Variants in GALNT17 observed in about 807,000 individuals in gnomAD.
The protein encoded by GALNT17 is polypeptide N-acetylgalactosaminyltransferase 17, also known as UDP-GalNAc:polypeptide N-acetylgalactosaminyltransferase-like 3.
In GALNT17, 29 loss-of-function variants were observed where a neutral mutation model predicts 63.7. The ratio of observed to expected loss-of-function variants is 0.46; its 90% confidence interval spans 0.34 to 0.62. The LOEUF (loss-of-function observed/expected upper bound fraction) is 0.62, where lower values mean the gene tolerates loss of function less well. Ranked by LOEUF, GALNT17 falls within the 20% of genes least tolerant of loss-of-function variation. GALNT17 has a pLI of 0.01. For synonymous variants in GALNT17, 305 were observed against 318.3 expected (o/e 0.96, Z 0.45); for missense variants, 603 against 799.6 (o/e 0.75, Z 2.97).
chr7:71,258,397 A>G (rs1038686054), intron 1 of GALNT17, among the ~76,000 whole-genome samples: 2 of 152,224 alleles, frequency 1.3e-5, no homozygotes, highest in Non-Finnish European at 2.9e-5. Flanking sequence ...GCTCAGCTCA[A>G]GTGCAGTTTC....
rs182893608 is a variant in GALNT17, at chr7:71,198,784, A to G, written c.238+65744A>G. Among the ~76,000 whole-genome samples, 1,136 of 152,322 alleles carry G rather than the reference A, an allele frequency of 7.5e-3. 7 individuals carry two copies. Among genetic ancestry groups the G allele is most frequent in the Middle Eastern group, 0.061 (18 of 294 alleles). ...AAGGTCTCTATGTTTTCTTATAAAG[A>G]GACTGTATTTTGCTCCTCTCTCTCC... On this transcript the variant is annotated intron_variant, in intron 1 of 10. Transcript: ENST00000333538.
At chr7:71,378,934 C>G (rs1792793718) in intron 2 of GALNT17, among the ~76,000 whole-genome samples, 1 of 152,128 alleles carries the variant, frequency 6.6e-6, no homozygotes. Flanking sequence ...CCCTGGAGGT[C>G]AAGGCTGCAG....
At chr7:71,472,080 C>A (rs775053502) in intron 5 of GALNT17, among the ~76,000 whole-genome samples, 1 of 152,134 alleles carries the variant, frequency 6.6e-6, no homozygotes, top group Non-Finnish European at 1.5e-5. Context: ...GCAGATTCAG[C>A]ATCTGGCAAG....
intron 1 of GALNT17, among the ~76,000 whole-genome samples, chr7:71,287,538 T>C (rs375099837): frequency 2.0e-5 from 3 of 152,182 alleles, no homozygotes; most frequent in East Asian, 3.8e-4. Context: ...CATTTATAGT[T>C]AACCCTTTAA....
chr7:71,499,123 A>T (rs1054924799), intron 5 of GALNT17, among the ~76,000 whole-genome samples: 1 of 151,964 alleles, frequency 6.6e-6, no homozygotes, highest in South Asian at 2.1e-4. Flanking sequence ...TTAAATCTCC[A>T]TACCTCATGT....
chr7:71,338,603 G>T (rs973417274), intron 2 of GALNT17, among the ~76,000 whole-genome samples: 43 of 152,226 alleles, frequency 2.8e-4, no homozygotes, highest in African/African-American at 1.0e-3. Flanking sequence ...CTTATTTTCT[G>T]CTTGTAAAAT....
At chr7:71,192,629 C>T (rs1311026309) in intron 1 of GALNT17, among the ~76,000 whole-genome samples, 2 of 152,172 alleles carry the variant, frequency 1.3e-5, no homozygotes, top group Non-Finnish European at 2.9e-5. Context: ...CTCCTGACCT[C>T]ATGTGAGCCA....
At chr7:71,431,956 C>T (rs2116489547) in intron 5 of GALNT17, among the ~76,000 whole-genome samples, 1 of 152,226 alleles carries the variant, frequency 6.6e-6, no homozygotes, top group South Asian at 2.1e-4. Flanking sequence ...AGGTGGATCA[C>T]CTGAGGTCAG....
At chr7:71,526,667 G>A (rs1311493092) in intron 5 of GALNT17, among the ~76,000 whole-genome samples, 1 of 151,434 alleles carries the variant, frequency 6.6e-6, no homozygotes, top group East Asian at 1.9e-4. Flanking sequence ...TTACAGGCAT[G>A]TGCCCCCACG....
chr7:71,213,501 T>G (rs185840317), intron 1 of GALNT17, among the ~76,000 whole-genome samples: 30 of 152,354 alleles, frequency 2.0e-4, no homozygotes, highest in African/African-American at 7.2e-4. Flanking sequence ...CGGTGTGCCT[T>G]TGACATTTTA....
chr7:71,377,312 A>G (rs1395813604), intron 2 of GALNT17, among the ~76,000 whole-genome samples: 2 of 151,766 alleles, frequency 1.3e-5, no homozygotes, highest in South Asian at 2.1e-4. Flanking sequence ...AGAAAAATAC[A>G]TATTTCCCAG....
At chr7:71,513,390 G>GTTTTTTT (rs1788395050) in intron 5 of GALNT17, among the ~76,000 whole-genome samples, 1 of 151,106 alleles carries the variant, frequency 6.6e-6, no homozygotes, top group African/African-American at 2.4e-5. Context: ...TTGTTTTTTT[G>GTTTTTTT]TTTTTTGGTT....
rs191801264 is a variant in GALNT17 at position 71,620,305 on chromosome 7, A to C, written c.1081-45106A>C. ...TATCAGGCTGATGCTGGTTTCATAG[A>C]ATGAGTTAGGGAGGAGCCCCTCTTC... On this transcript the variant is annotated intron_variant, in intron 6 of 10. Transcript: ENST00000333538. 1.2e-4 allele frequency among the ~76,000 whole-genome samples: 19 copies of C among 152,214 alleles called. 1 individual carries two copies. Among genetic ancestry groups the C allele is most frequent in the Non-Finnish European group, 7.4e-5 (5 of 68,016 alleles).
At chr7:71,468,228 C>T (rs1787569659) in intron 5 of GALNT17, among the ~76,000 whole-genome samples, 1 of 151,988 alleles carries the variant, frequency 6.6e-6, no homozygotes, top group South Asian at 2.1e-4. Context: ...TAGAGTCTCA[C>T]TTTATTGCCC....
At chr7:71,369,934 T>C (rs1374113339) in intron 2 of GALNT17, among the ~76,000 whole-genome samples, 1 of 152,090 alleles carries the variant, frequency 6.6e-6, no homozygotes, top group Non-Finnish European at 1.5e-5. Flanking sequence ...AAATGGGATT[T>C]AAAGAGGATT....
At chr7:71,164,536 C>T (rs964959370) in intron 1 of GALNT17, among the ~76,000 whole-genome samples, 1 of 152,130 alleles carries the variant, frequency 6.6e-6, no homozygotes, top group Admixed American at 6.6e-5. Context: ...TATCATTGTC[C>T]CCTTTCAAAA....
At chr7:71,585,913 T>C (rs1789710509) in intron 6 of GALNT17, among the ~76,000 whole-genome samples, 1 of 77,194 alleles carries the variant, frequency 1.3e-5, no homozygotes. Flanking sequence ...TTTCCTGATT[T>C]CTTTTTTTTT....
At chr7:71,312,728 C>T (rs530206986) in intron 1 of GALNT17, among the ~76,000 whole-genome samples, 8 of 152,246 alleles carry the variant, frequency 5.3e-5, no homozygotes, top group African/African-American at 1.9e-4. Context: ...ACATAGTCAC[C>T]TGTTTAAAGA....
At chr7:71,415,801 C>A (rs909634143) in intron 3 of GALNT17, 88 bp from the exon 4 acceptor site, 3 of 1,378,350 alleles carry the variant, frequency 2.2e-6, no homozygotes, top group South Asian at 1.7e-5. Flanking sequence ...TCTTTGAACT[C>A]CCTGAAGATC....
Sources: gnomAD v4.1 joint callset for allele counts (sites outside exome capture counted in the v4.1 genomes callset) on GRCh38, gnomAD v4.1.1 for gene constraint, MANE v1.5 for transcripts, NCBI Gene and HGNC (gene_info 2026-07-23, HGNC 2026-07-21) for gene names.